The following DDAH1 variants were observed in gnomAD, a reference collection of about 807,000 sequenced individuals.
DDAH1 encodes the protein N(G),N(G)-dimethylarginine dimethylaminohydrolase 1.
In DDAH1, 19 loss-of-function variants were observed where a neutral mutation model predicts 28.8. The observed-to-expected ratio is 0.66, with a 90% CI of 0.46 to 0.97. The LOEUF is 0.97. Among genes scored for constraint, DDAH1 ranks in the 50% least tolerant of loss-of-function variants. The probability of loss-of-function intolerance (pLI) is 0.00; values close to 1 mark genes in which losing one functional copy is unlikely to be tolerated. For missense variants in DDAH1, 326 were observed against 375.9 expected, an observed-to-expected ratio of 0.87 and a Z score of 1.10; for synonymous variants, 153 against 154.4, an observed-to-expected ratio of 0.99 and a Z score of 0.07.
chr1:85,559,884 G>A (rs1488928251), intron 1 of DDAH1, among the ~76,000 whole-genome samples: 3 of 152,012 alleles, frequency 2.0e-5, no homozygotes, highest in Non-Finnish European at 4.4e-5. Flanking sequence ...TTGTCCACAT[G>A]GAGAGAAGTA....
chr1:85,465,097 C>G lies in DDAH1; in HGVS notation c.-52G>C. On this transcript the variant is annotated 5_prime_UTR_variant, in exon 1 of 6. Transcript: ENST00000284031. ...CGGCGGCGGAGGCGGCCGGGTCCTG[C>G]CGCGGGCAGCGCGCGCTGAGCCTGC... is the stretch of plus-strand genomic sequence containing the variant. 1 of 1,195,714 alleles carries G rather than the reference C, an allele frequency of 8.4e-7. No homozygotes were observed. The highest frequency in any genetic ancestry group is 1.0e-6 in the Non-Finnish European group (1 of 965,786). 74.1% of individuals were successfully genotyped at this position (1,195,714 alleles called of 1,614,324 possible).
chr1:85,405,933 G>C (rs1011937348), intron 1 of DDAH1, among the ~76,000 whole-genome samples: 1 of 152,180 alleles, frequency 6.6e-6, no homozygotes, highest in Non-Finnish European at 1.5e-5. Context: ...AACTTAAAGA[G>C]GTTTGGTTGT....
chr1:85,533,285 A>G (rs1376092990), intron 1 of DDAH1, among the ~76,000 whole-genome samples: 1 of 152,186 alleles, frequency 6.6e-6, no homozygotes, highest in African/African-American at 2.4e-5. Flanking sequence ...GGTTATATTA[A>G]AAGGCTTTAA....
chr1:85,550,873 G>A (rs1424144572), intron 1 of DDAH1, among the ~76,000 whole-genome samples: 1 of 152,180 alleles, frequency 6.6e-6, no homozygotes, highest in African/African-American at 2.4e-5. Flanking sequence ...CAACTTGCTA[G>A]CACTGACTGG....
intron 1 of DDAH1, among the ~76,000 whole-genome samples, chr1:85,386,108 T>C (rs1651243379): frequency 1.3e-5 from 2 of 152,206 alleles, no homozygotes; most frequent in Admixed American, 1.3e-4. Context: ...AATTTCAACA[T>C]GATATCCAAA....
intron 1 of DDAH1, among the ~76,000 whole-genome samples, chr1:85,500,014 T>C (rs1431113038): frequency 6.6e-6 from 1 of 152,176 alleles, no homozygotes; most frequent in African/African-American, 2.4e-5. Flanking sequence ...TGGTTTTTGC[T>C]TGGCAGTGTT....
chr1:85,538,435 T>C (rs1245403497), intron 1 of DDAH1, among the ~76,000 whole-genome samples: 1 of 152,132 alleles, frequency 6.6e-6, no homozygotes, highest in Non-Finnish European at 1.5e-5. Context: ...CTAAACCATA[T>C]GGTATCATTA....
At chr1:85,459,043 A>C (rs1655019570) in intron 1 of DDAH1, among the ~76,000 whole-genome samples, 1 of 152,244 alleles carries the variant, frequency 6.6e-6, no homozygotes, top group African/African-American at 2.4e-5. Context: ...ATTTATATTG[A>C]GAATCATAAG....
intron 4 of DDAH1, among the ~76,000 whole-genome samples, chr1:85,346,923 AAAAC>A (rs768118888): frequency 4.7e-4 from 71 of 152,322 alleles, no homozygotes; most frequent in South Asian, 2.1e-3. Flanking sequence ...TTACAAGAAA[AAAAC>A]AAACAACCCC....
intron 1 of DDAH1, among the ~76,000 whole-genome samples, chr1:85,372,625 T>G (rs2100889644): frequency 6.6e-6 from 1 of 152,272 alleles, no homozygotes; most frequent in Non-Finnish European, 1.5e-5. Flanking sequence ...AATTTATCAC[T>G]AAATATTAAC....
chr1:85,405,722 A>G (rs553176308), intron 1 of DDAH1, among the ~76,000 whole-genome samples: 4 of 152,292 alleles, frequency 2.6e-5, no homozygotes, highest in East Asian at 3.9e-4. Flanking sequence ...GGAATCCTCT[A>G]TGAAAAAGAG....
chr1:85,479,524 TAAAC>T (rs1385168507), intron 2 of DDAH1, among the ~76,000 whole-genome samples: 1 of 152,236 alleles, frequency 6.6e-6, no homozygotes, highest in African/African-American at 2.4e-5. Context: ...TTAATTAAAT[TAAAC>T]AAATCAGGCA....
intron 2 of DDAH1, among the ~76,000 whole-genome samples, chr1:85,472,278 G>C (rs1557669071): frequency 6.6e-6 from 1 of 152,102 alleles, no homozygotes; most frequent in Non-Finnish European, 1.5e-5. Flanking sequence ...GACCTGGCTG[G>C]GCTTCCTTGC....
intron 1 of DDAH1, among the ~76,000 whole-genome samples, chr1:85,458,559 GC>G (rs1394272986): frequency 1.3e-5 from 2 of 151,460 alleles, no homozygotes; most frequent in African/African-American, 4.9e-5. Flanking sequence ...CTCCTGAGTA[GC>G]TGGGACTACA....
intron 1 of DDAH1, among the ~76,000 whole-genome samples, chr1:85,514,285 C>T (rs1018081379): frequency 6.6e-6 from 1 of 152,104 alleles, no homozygotes; most frequent in African/African-American, 2.4e-5. Context: ...ATCACAAGGA[C>T]AGAAAACCAG....
At chr1:85,493,784 C>T (rs1656485087) in intron 2 of DDAH1, 1 of 152,158 alleles carries the variant, frequency 6.6e-6, no homozygotes, top group South Asian at 2.1e-4. Context: ...CTGTTGCTTC[C>T]AGAGACAGCT....
intron 1 of DDAH1, among the ~76,000 whole-genome samples, chr1:85,550,397 C>T (rs1336057081): frequency 1.3e-5 from 2 of 152,166 alleles, no homozygotes; most frequent in Non-Finnish European, 2.9e-5. Flanking sequence ...ACTCCAAAGG[C>T]CCCTCTCCCT....
At chr1:85,415,005 C>CTTTTTTTTTT (rs71727580) in intron 1 of DDAH1, among the ~76,000 whole-genome samples, 6 of 57,606 alleles carry the variant, frequency 1.0e-4, no homozygotes, top group Admixed American at 5.4e-4. Flanking sequence ...TCAAGTGTTG[C>CTTTTTTTTTT]TTTTTTTTTT....
chr1:85,501,166 G>T (rs1459718520), intron 1 of DDAH1, among the ~76,000 whole-genome samples: 1 of 152,122 alleles, frequency 6.6e-6, no homozygotes. Context: ...ATCAGGTCTG[G>T]ATTTAAAGAG....
Sources: allele counts gnomAD v4.1 joint callset (sites outside exome capture counted in the v4.1 genomes callset), GRCh38; gene constraint gnomAD v4.1.1; transcripts MANE v1.5; gene names NCBI Gene and HGNC (gene_info 2026-07-23, HGNC 2026-07-21).